The following CDK5RAP2 variants were observed in gnomAD, a reference collection of about 807,000 sequenced individuals.
The protein encoded by CDK5RAP2 is CDK5 regulatory subunit-associated protein 2.
In CDK5RAP2, 147 loss-of-function variants were observed where a neutral mutation model predicts 232.9. The ratio of observed to expected loss-of-function variants is 0.63; its 90% confidence interval spans 0.55 to 0.72. CDK5RAP2 has a LOEUF of 0.72. Ranked by LOEUF, CDK5RAP2 falls within the 30% of genes least tolerant of loss-of-function variation. The pLI is 0.00. For synonymous variants in CDK5RAP2, 833 were observed against 833.7 expected, an observed-to-expected ratio of 1.00 and a Z score of 0.01; for missense variants, 2,195 against 2,231.5, an observed-to-expected ratio of 0.98 and a Z score of 0.33.
At position 120,453,613 on chromosome 9, in the gene CDK5RAP2, TCCGTGG is replaced by T; in HGVS notation, c.2630_2635del (p.Ala877_Thr878del). 1 of 1,614,162 alleles carries T rather than the reference TCCGTGG, an allele frequency of 6.2e-7. No homozygotes were observed. The highest frequency in any genetic ancestry group is 8.5e-7 in the Non-Finnish European group (1 of 1,180,040). On this transcript the variant is annotated inframe_deletion, in exon 21 of 38. Transcript: ENST00000349780. Reference sequence around the variant, plus strand: ...ATGCTTGAATCTCAGCAGGTCGCCCTCCGTGGCCACAGTCTGCACTGAGGCATCTTT... The same window carrying T: ...ATGCTTGAATCTCAGCAGGTCGCCCTCCACAGTCTGCACTGAGGCATCTTT...
At chr9:120,478,634 C>T (rs1350664414) in intron 14 of CDK5RAP2, among the ~76,000 whole-genome samples, 3 of 152,080 alleles carry the variant, frequency 2.0e-5, no homozygotes, top group East Asian at 3.9e-4. Context: ...TAAAAACATT[C>T]GCTGGATATG....
rs375788422 is a variant in CDK5RAP2, at chr9:120,564,489, C to CAAAA, written c.195+3828_195+3831dup. On this transcript the variant is annotated intron_variant, in intron 3 of 37. Transcript: ENST00000349780. ...TGGGCAACAGAGTGAGACTCTGTCTCAAAAAAATAAAAAAATAAAAAATCA... is the reference window on the plus strand; with the variant it reads ...TGGGCAACAGAGTGAGACTCTGTCTCAAAAAAAAAAATAAAAAAATAAAAAATCA... Among the ~76,000 whole-genome samples the CAAAA allele has an allele frequency of 1.2e-3, 46 of 38,252 alleles. 2 individuals are homozygous for CAAAA. The highest frequency in any genetic ancestry group is 2.6e-3 in the African/African-American group (40 of 15,266). 25.1% of individuals were successfully genotyped at this position (38,252 alleles called of 152,430 possible). A position where few individuals can be genotyped will look rare whatever the true frequency, so the allele number is the denominator to read the frequency against.
chr9:120,545,796 A>C lies in CDK5RAP2; in HGVS notation c.307-6T>G, dbSNP rs1247930542. ...TCCACCTTGAGCTCAATGTTCTACA[A>C]AACAAGATTAAGAAAGAAAAGAAAC... is the stretch of plus-strand genomic sequence containing the variant. On this transcript the variant is annotated splice_region_variant and splice_polypyrimidine_tract_variant and intron_variant, in intron 4 of 37. Coordinates refer to ENST00000349780, the MANE Select transcript of CDK5RAP2 (RefSeq NM_018249.6). 6.2e-7 allele frequency: 1 copy of C among 1,609,844 alleles called. No homozygotes were observed. The highest frequency in any genetic ancestry group is 1.1e-5 in the South Asian group (1 of 91,014).
At chr9:120,482,066 G>C (rs921236626) in intron 14 of CDK5RAP2, among the ~76,000 whole-genome samples, 4 of 152,210 alleles carry the variant, frequency 2.6e-5, no homozygotes, top group African/African-American at 9.6e-5. Context: ...CTGACTCTCT[G>C]AGAGCAGAAG....
At chr9:120,557,768 C>CTT (rs770030982) in intron 3 of CDK5RAP2, among the ~76,000 whole-genome samples, 18 of 113,788 alleles carry the variant, frequency 1.6e-4, no homozygotes, top group Admixed American at 6.6e-4. Flanking sequence ...CAAAAAAAAA[C>CTT]TTTTTTTTTT....
chr9:120,433,015 A>G (rs1419645230), intron 25 of CDK5RAP2, among the ~76,000 whole-genome samples: 2 of 152,182 alleles, frequency 1.3e-5, no homozygotes, highest in Non-Finnish European at 2.9e-5. Flanking sequence ...GTACTCCTAT[A>G]TACCCTGGTC....
chr9:120,520,983 C>G (rs1359299526), intron 11 of CDK5RAP2, among the ~76,000 whole-genome samples: 1 of 151,756 alleles, frequency 6.6e-6, no homozygotes, highest in African/African-American at 2.4e-5. Context: ...TGAGATATAT[C>G]ATGAGATGTA....
At chr9:120,463,035 T>A (rs774821605) in intron 18 of CDK5RAP2, among the ~76,000 whole-genome samples, 14 of 152,262 alleles carry the variant, frequency 9.2e-5, no homozygotes, top group African/African-American at 3.4e-4. Flanking sequence ...AATTTTTTCA[T>A]AATAAAATAT....
At chr9:120,513,847 G>A (rs2040204744) in intron 12 of CDK5RAP2, among the ~76,000 whole-genome samples, 1 of 152,232 alleles carries the variant, frequency 6.6e-6, no homozygotes, top group South Asian at 2.1e-4. Flanking sequence ...AGCAACACCT[G>A]TAGCAGCTGG....
chr9:120,548,586 G>A (rs1243168203), intron 4 of CDK5RAP2, among the ~76,000 whole-genome samples: 1 of 151,960 alleles, frequency 6.6e-6, no homozygotes, highest in African/African-American at 2.4e-5. Context: ...GCAGGAGGAT[G>A]GTTTGAGGCT....
chr9:120,509,906 C>T (rs1045411581), intron 12 of CDK5RAP2, among the ~76,000 whole-genome samples: 2 of 152,102 alleles, frequency 1.3e-5, no homozygotes, highest in African/African-American at 4.8e-5. Flanking sequence ...TTAAACTGCA[C>T]ATTATTCTAT....
chr9:120,512,597 C>A (rs1047887378), intron 12 of CDK5RAP2, among the ~76,000 whole-genome samples: 11 of 152,122 alleles, frequency 7.2e-5, no homozygotes, highest in Non-Finnish European at 1.6e-4. Context: ...GAAAATATAC[C>A]AATCTTCCTT....
chr9:120,556,230 AC>A (rs1167041016), intron 3 of CDK5RAP2, among the ~76,000 whole-genome samples: 2 of 152,190 alleles, frequency 1.3e-5, no homozygotes, highest in African/African-American at 4.8e-5. Flanking sequence ...TTCATCCAAC[AC>A]CTAAAATTGG....
intron 14 of CDK5RAP2, among the ~76,000 whole-genome samples, chr9:120,482,504 T>C (rs995525775): frequency 1.3e-5 from 2 of 152,148 alleles, no homozygotes; most frequent in African/African-American, 4.8e-5. Flanking sequence ...AGTGCTGTCA[T>C]TTACCACTAT....
intron 7 of CDK5RAP2, among the ~76,000 whole-genome samples, chr9:120,530,926 C>T (rs566484412): frequency 1.3e-5 from 2 of 150,782 alleles, no homozygotes; most frequent in African/African-American, 2.4e-5. Flanking sequence ...TTAATGGGTG[C>T]AGCACACCAA....
rs201128059 is a variant in CDK5RAP2, at chr9:120,443,477, CT to C, written c.3148+142del. The C allele has an allele frequency of 9.2e-3, 9,280 of 1,012,820 alleles. 56 individuals carry two copies. The highest frequency in any genetic ancestry group is 0.012 in the Non-Finnish European group (7,729 of 651,934). The allele number at this position is 1,012,820 out of a possible 1,614,324, so 62.7% of individuals were successfully genotyped here. On this transcript the variant is annotated intron_variant, in intron 23 of 37. Transcript: ENST00000349780. ...CCCTGGGTCAATTATTTCTTAAAAC[CT>C]CAGCTTCCCATGTGTTAGACTGGAA... is the stretch of plus-strand genomic sequence containing the variant.
intron 3 of CDK5RAP2, 75 bp from the exon 4 acceptor site, chr9:120,550,977 C>T (rs1041121644): frequency 5.9e-5 from 49 of 833,864 alleles, no homozygotes; most frequent in African/African-American, 4.3e-4. Flanking sequence ...ATACATTAGT[C>T]GCTATGGATT....
chr9:120,406,016 T>C (rs776682026), intron 32 of CDK5RAP2: 11 of 152,264 alleles, frequency 7.2e-5, no homozygotes, highest in Non-Finnish European at 7.3e-5. Flanking sequence ...GAACTTTTTT[T>C]CTCTGTTCAC....
In CDK5RAP2 at chr9:120,550,873, A is replaced by C. The variant is rs1372380813; in HGVS notation, c.225T>G (p.Phe75Leu). ...GGAAATAGATGCGGAGCTTTAGGTT[A>C]AAGTTTTCTTTCTTCAATTCAGTGA... Reference protein sequence around the residue: ...NQITELKKENFNLKLRIYFLE... With the variant: ...NQITELKKENLNLKLRIYFLE... The change falls in exon 4 of 38, where the codon TTT (phenylalanine) becomes TTG (leucine). Residue 75 changes from phenylalanine to leucine, a missense_variant. Phe to Leu is a conservative substitution (Grantham distance 22, BLOSUM62 0). Coordinates refer to ENST00000349780, the MANE Select transcript of CDK5RAP2 (RefSeq NM_018249.6). 3 of 1,612,670 alleles carry C rather than the reference A, an allele frequency of 1.9e-6. No individual in the cohort carries two copies. The highest frequency in any genetic ancestry group is 2.5e-6 in the Non-Finnish European group (3 of 1,178,794).
Sources: gnomAD v4.1 joint callset for allele counts (sites outside exome capture counted in the v4.1 genomes callset) on GRCh38, gnomAD v4.1.1 for gene constraint, MANE v1.5 for transcripts, NCBI Gene and HGNC (gene_info 2026-07-23, HGNC 2026-07-21) for gene names.